EBF2: variants seen among roughly 807,000 people sequenced by gnomAD.
The protein encoded by EBF2 is transcription factor COE2.
Under a neutral mutation model 72.8 loss-of-function variants are expected in EBF2, and 21 were observed. The ratio of observed to expected loss-of-function variants is 0.29; its 90% confidence interval spans 0.20 to 0.42. EBF2 has a LOEUF of 0.42. Among genes scored for constraint, EBF2 ranks in the 10% least tolerant of loss-of-function variants. EBF2 has a pLI of 1.00. For missense variants in EBF2, 637 were observed against 731.2 expected (o/e 0.87, Z 1.49); for synonymous variants, 299 against 274.2 (o/e 1.09, Z -0.89).
At chr8:25,852,574 A>G (rs562291371) in intron 14 of EBF2, among the ~76,000 whole-genome samples, 1 of 152,300 alleles carries the variant, frequency 6.6e-6, no homozygotes, top group African/African-American at 2.4e-5. Flanking sequence ...ATTTTCTAAT[A>G]ACAGATTTCA....
rs562022898 is a variant in EBF2, at chr8:25,890,292, A to G, written c.634-423T>C. ...TCAGGAATGGGTTCTTGCACTTCAG[A>G]CAGGTCCTGACATCATGCCCAGCAT... On this transcript the variant is annotated intron_variant, in intron 7 of 15. Coordinates refer to ENST00000520164, the MANE Select transcript of EBF2 (RefSeq NM_022659.4). 2.0e-5 allele frequency among the ~76,000 whole-genome samples: 3 copies of G among 152,360 alleles called. No homozygotes were observed. The East Asian group carries it at 5.8e-4, about 29-fold the overall frequency.
At chr8:25,869,730 T>C (rs1302854130) in intron 10 of EBF2, among the ~76,000 whole-genome samples, 1 of 152,168 alleles carries the variant, frequency 6.6e-6, no homozygotes, top group Non-Finnish European at 1.5e-5. Flanking sequence ...TCTTAAATAA[T>C]GTGATTTTTA....
At chr8:25,876,893 G>T (rs1802530078) in intron 10 of EBF2, among the ~76,000 whole-genome samples, 1 of 152,168 alleles carries the variant, frequency 6.6e-6, no homozygotes, top group African/African-American at 2.4e-5. Context: ...ACAGAGCCTT[G>T]CCTTACGTGC....
intron 7 of EBF2, among the ~76,000 whole-genome samples, chr8:25,898,582 A>T (rs1461555061): frequency 1.3e-5 from 2 of 152,130 alleles, no homozygotes; most frequent in Non-Finnish European, 2.9e-5. Context: ...ATTTTATTCC[A>T]TTGAACCCAT....
At chr8:26,019,799 G>T (rs1035099073) in intron 6 of EBF2, among the ~76,000 whole-genome samples, 1 of 152,152 alleles carries the variant, frequency 6.6e-6, no homozygotes, top group Admixed American at 6.5e-5. Flanking sequence ...CACCCCAAGA[G>T]GCAGGGAGAA....
intron 6 of EBF2, among the ~76,000 whole-genome samples, chr8:26,003,150 T>C (rs868624708): frequency 4.6e-5 from 7 of 152,180 alleles, no homozygotes; most frequent in South Asian, 2.1e-4. Flanking sequence ...GCTTCCACTC[T>C]GGGAGTCTCT....
chr8:26,009,667 T>C (rs530926214), intron 6 of EBF2, among the ~76,000 whole-genome samples: 1 of 152,324 alleles, frequency 6.6e-6, no homozygotes, highest in African/African-American at 2.4e-5. Context: ...TGGTATCTAC[T>C]ACATTATAGC....
At chr8:25,929,934 G>C (rs1164101854) in intron 6 of EBF2, among the ~76,000 whole-genome samples, 1 of 152,168 alleles carries the variant, frequency 6.6e-6, no homozygotes, top group African/African-American at 2.4e-5. Flanking sequence ...TGGAGAATGA[G>C]GGTTATAGAC....
At chr8:25,990,035 G>A (rs1388923830) in intron 6 of EBF2, among the ~76,000 whole-genome samples, 3 of 152,134 alleles carry the variant, frequency 2.0e-5, no homozygotes, top group Non-Finnish European at 2.9e-5. Flanking sequence ...AGTAGAAAAG[G>A]AAACCTGAGA....
intron 6 of EBF2, among the ~76,000 whole-genome samples, chr8:25,935,637 G>A (rs1246798452): frequency 6.6e-6 from 1 of 152,168 alleles, no homozygotes; most frequent in Non-Finnish European, 1.5e-5. Flanking sequence ...GCCCTATCAG[G>A]AGTGTTATTT....
chr8:25,951,579 G>A lies in EBF2; in HGVS notation c.552-43024C>T, dbSNP rs146117612. Among the ~76,000 whole-genome samples, 164 of 152,274 alleles carry A rather than the reference G, an allele frequency of 1.1e-3. 2 individuals carry two copies. Among genetic ancestry groups the A allele is most frequent in the African/African-American group, 3.8e-3 (156 of 41,536 alleles). On this transcript the variant is annotated intron_variant, in intron 6 of 15. Transcript: ENST00000520164. ...GTGCTCCAACCCTTTTAGACAAAGA[G>A]GACTCTCTGAGAACCTGGAAATTCA...
intron 4 of EBF2, 126 bp from the exon 5 acceptor site, chr8:26,040,227 C>T: frequency 2.0e-6 from 2 of 1,013,518 alleles, no homozygotes; most frequent in East Asian, 5.1e-5. Flanking sequence ...TAGGAATTCC[C>T]GCCCGCAGCA....
chr8:25,919,571 A>G (rs547148151), intron 6 of EBF2, among the ~76,000 whole-genome samples: 88 of 152,268 alleles, frequency 5.8e-4, no homozygotes, highest in African/African-American at 1.9e-3. Context: ...AATGGAAACC[A>G]TTTTCCCAGG....
intron 10 of EBF2, among the ~76,000 whole-genome samples, chr8:25,873,113 G>A (rs117724578): frequency 4.1e-4 from 63 of 152,140 alleles, no homozygotes; most frequent in African/African-American, 1.5e-3. Context: ...ACATGCAAAG[G>A]CTACGTTAAA....
chr8:26,006,387 T>C (rs1804882337), intron 6 of EBF2, among the ~76,000 whole-genome samples: 2 of 152,218 alleles, frequency 1.3e-5, no homozygotes, highest in African/African-American at 2.4e-5. Context: ...TTCTTTTCAA[T>C]GACTGTGCAA....
At chr8:25,955,421 A>G (rs1332334072) in intron 6 of EBF2, among the ~76,000 whole-genome samples, 1 of 152,204 alleles carries the variant, frequency 6.6e-6, no homozygotes, top group Non-Finnish European at 1.5e-5. Context: ...TTTTGTGGGT[A>G]GCATTATGTA....
chr8:26,025,985 G>T lies in EBF2; in HGVS notation c.551+7100C>A, dbSNP rs576186086. 2.8e-4 allele frequency among the ~76,000 whole-genome samples: 42 copies of T among 152,186 alleles called. 1 individual carries two copies. Among genetic ancestry groups the T allele is most frequent in the African/African-American group, 9.9e-4 (41 of 41,528 alleles). On this transcript the variant is annotated intron_variant, in intron 6 of 15. Transcript: ENST00000520164. ...CCAGGAATTCCTGAGACCAAACTGG[G>T]CCCAGAGTGAGACCCTGTCTCTACA...
At chr8:25,939,193 T>A (rs1423476525) in intron 6 of EBF2, among the ~76,000 whole-genome samples, 1 of 152,250 alleles carries the variant, frequency 6.6e-6, no homozygotes, top group African/African-American at 2.4e-5. Context: ...GATCTTCTTT[T>A]CTTAGTTCCT....
At chr8:25,901,790 C>A (rs534392164) in intron 7 of EBF2, among the ~76,000 whole-genome samples, 1 of 152,214 alleles carries the variant, frequency 6.6e-6, no homozygotes, top group African/African-American at 2.4e-5. Context: ...TGAGTTCCAG[C>A]AAGCACCACA....
Sources: gnomAD v4.1 joint callset for allele counts (sites outside exome capture counted in the v4.1 genomes callset) on GRCh38, gnomAD v4.1.1 for gene constraint, MANE v1.5 for transcripts, NCBI Gene and HGNC (gene_info 2026-07-23, HGNC 2026-07-21) for gene names.